The following AMZ1 variants were observed in gnomAD, a reference collection of about 807,000 sequenced individuals.
The protein encoded by AMZ1 is archaemetzincin-1.
AMZ1 carries 39 observed loss-of-function variants against 29.9 expected under a neutral mutation model. That is an observed-to-expected ratio of 1.30 (90% confidence interval 1.01 to 1.70). AMZ1 has a LOEUF of 1.70. AMZ1 is among the 40% of genes most tolerant of loss of function. AMZ1 has a pLI of 0.00. For missense variants in AMZ1, 1,041 were observed against 680.6 expected, an observed-to-expected ratio of 1.53 and a Z score of -5.89; for synonymous variants, 458 against 304.0, an observed-to-expected ratio of 1.51 and a Z score of -5.27.
chr7:2,723,547 A>T (rs1789504697), downstream of AMZ1, among the ~76,000 whole-genome samples: 1 of 152,152 alleles, frequency 6.6e-6, no homozygotes, highest in Admixed American at 6.5e-5. Context: ...ATCCCTTGGG[A>T]GCCAGCTGTC....
intron 6 of AMZ1, among the ~76,000 whole-genome samples, chr7:2,710,161 C>T (rs984458398): frequency 2.6e-5 from 4 of 152,070 alleles, no homozygotes; most frequent in Non-Finnish European, 4.4e-5. Context: ...TCTTTGCTTT[C>T]CCGTCACCCA....
At chr7:2,753,017 T>C (rs1460338223) in intron 4 of AMZ1, among the ~76,000 whole-genome samples, 6 of 152,216 alleles carry the variant, frequency 3.9e-5, no homozygotes, top group African/African-American at 1.4e-4. Flanking sequence ...CCATCCTCCT[T>C]CTTCCACCAT....
chr7:2,722,092 C>G (rs1414759317), downstream of AMZ1, among the ~76,000 whole-genome samples: 1 of 152,070 alleles, frequency 6.6e-6, no homozygotes, highest in Non-Finnish European at 1.5e-5. Flanking sequence ...GAAGGCCGTC[C>G]AACTGGTCCC....
chr7:2,756,437 A>C (rs1339601940), intron 4 of AMZ1, among the ~76,000 whole-genome samples: 2 of 152,006 alleles, frequency 1.3e-5, no homozygotes, highest in Non-Finnish European at 2.9e-5. Context: ...ATAGAGTGAG[A>C]CCTCATCTCT....
chr7:2,695,828 T>C (rs1460908349), intron 1 of AMZ1, among the ~76,000 whole-genome samples: 1 of 152,010 alleles, frequency 6.6e-6, no homozygotes, highest in African/African-American at 2.4e-5. Context: ...CTGACTAACA[T>C]GGTGAAACCC....
chr7:2,730,769 G>C (rs1019734462), intron 4 of AMZ1: 1 of 168,066 alleles, frequency 6.0e-6, no homozygotes, highest in Non-Finnish European at 1.3e-5. Flanking sequence ...TTGTGAGTTA[G>C]AAAAGCCGTC....
chr7:2,689,256 C>T (rs1178559063), intron 1 of AMZ1, among the ~76,000 whole-genome samples: 2 of 152,160 alleles, frequency 1.3e-5, no homozygotes, highest in Non-Finnish European at 2.9e-5. Flanking sequence ...TCTGCGTGGT[C>T]AGATGGGGGA....
At chr7:2,724,656 C>T (rs1789551671), downstream of AMZ1, among the ~76,000 whole-genome samples, 1 of 152,138 alleles carries the variant, frequency 6.6e-6, no homozygotes, top group African/African-American at 2.4e-5. Context: ...TTACAACACA[C>T]ATCCGAAAGA....
chr7:2,753,268 C>T (rs1791125470), intron 4 of AMZ1, among the ~76,000 whole-genome samples: 1 of 152,156 alleles, frequency 6.6e-6, no homozygotes, highest in Non-Finnish European at 1.5e-5. Flanking sequence ...ATCCTCCTGC[C>T]TCAGCCTCCC....
At chr7:2,752,334 C>CT (rs1791081796) in intron 4 of AMZ1, among the ~76,000 whole-genome samples, 1 of 152,178 alleles carries the variant, frequency 6.6e-6, no homozygotes, top group Non-Finnish European at 1.5e-5. Context: ...AACTAACATC[C>CT]TAAGTCATGG....
intron 6 of AMZ1, among the ~76,000 whole-genome samples, chr7:2,711,293 G>A (rs1011018846): frequency 1.3e-5 from 2 of 152,180 alleles, no homozygotes; most frequent in African/African-American, 4.8e-5. Flanking sequence ...CTGACCAAGG[G>A]CCTGGCCAGA....
At chr7:2,697,197 G>C (rs1022682363) in intron 1 of AMZ1, among the ~76,000 whole-genome samples, 3 of 152,114 alleles carry the variant, frequency 2.0e-5, no homozygotes, top group Non-Finnish European at 4.4e-5. Context: ...CTGCCTCCCG[G>C]GTTCAAGTGA....
chr7:2,703,138 G>A (rs73047317), intron 3 of AMZ1, among the ~76,000 whole-genome samples: 2,460 of 152,174 alleles, frequency 0.016, 19 homozygotes, highest in East Asian at 0.04. Flanking sequence ...CAGGAGAAGC[G>A]AGCCCTTCTT....
Position 2,700,299 on chromosome 7 carries a change from G to GGGCCCTTAA in AMZ1, c.-146_-145insAAGGCCCTT. ...AGGACCAGGCAGAGCTGGGCCTTAA[G>GGGCCCTTAA]GGCCCTTGGACCAGTGTCTGTCTGC... On this transcript the variant is annotated 5_prime_UTR_variant, in exon 2 of 7. It introduces an in-frame stop codon into an upstream open reading frame of the 5' UTR. Transcript: ENST00000683327. The GGGCCCTTAA allele has an allele frequency of 2.3e-6, 2 of 852,596 alleles. No homozygotes were observed. Among genetic ancestry groups the GGGCCCTTAA allele is most frequent in the Non-Finnish European group, 3.5e-6 (2 of 566,294 alleles). The allele number at this position is 852,596 out of a possible 1,614,324, so 52.8% of individuals were successfully genotyped here.
chr7:2,685,091 G>A (rs988470637), upstream of AMZ1, among the ~76,000 whole-genome samples: 10 of 151,546 alleles, frequency 6.6e-5, no homozygotes, highest in Non-Finnish European at 1.0e-4. Flanking sequence ...GGATGGTCTT[G>A]ATCTTCTGAC....
At chr7:2,711,834 A>C (rs1788799009) in intron 6 of AMZ1, among the ~76,000 whole-genome samples, 1 of 152,176 alleles carries the variant, frequency 6.6e-6, no homozygotes, top group Admixed American at 6.5e-5. Flanking sequence ...ATCTGAGGTC[A>C]GGAGTTTGAG....
rs1789257130 is a variant in AMZ1 at position 2,718,437 on chromosome 7, G to C, written c.*5559G>C. ...TCACCGCGCTTTGTGAGTCTGTCTC[G>C]TGGGCCTCCTTCAGTGGTCTGTGAC... On this transcript the variant is annotated 3_prime_UTR_variant, in exon 7 of 7. Transcript: ENST00000683327. Among the ~76,000 whole-genome samples, 2 of 152,216 alleles carry C rather than the reference G, an allele frequency of 1.3e-5. No individual in the cohort carries two copies. The highest frequency in any genetic ancestry group is 4.8e-5 in the African/African-American group (2 of 41,458).
chr7:2,700,736 C>T lies in AMZ1; in HGVS notation c.285C>T (p.His95=). The T allele has an allele frequency of 1.2e-6, 2 of 1,612,856 alleles. No homozygotes were observed. Among genetic ancestry groups the T allele is most frequent in the East Asian group, 2.2e-5 (1 of 44,886 alleles). Residue 95 remains histidine (H), a synonymous_variant, in exon 2 of 7, where the codon CAC becomes CAT. Transcript: ENST00000683327. ...GGAAGCCCCGCCTGGCTCGGAAGCA[C>T]ATCTACCTACAGCCGATAGGTACGG... The part of the protein sequence containing the change: ...QHRKPRLARK[H]IYLQPIDLSE...
upstream of AMZ1, among the ~76,000 whole-genome samples, chr7:2,684,540 T>A (rs1272430614): frequency 1.3e-5 from 2 of 152,146 alleles, no homozygotes; most frequent in Non-Finnish European, 2.9e-5. Context: ...CCTTTGTTCA[T>A]CACTGAAAGG....
Sources: gnomAD v4.1 joint callset for allele counts (sites outside exome capture counted in the v4.1 genomes callset) on GRCh38, gnomAD v4.1.1 for gene constraint, MANE v1.5 for transcripts, NCBI Gene and HGNC (gene_info 2026-07-23, HGNC 2026-07-21) for gene names.